OCA2: variants seen among roughly 807,000 people sequenced by gnomAD.
OCA2 encodes P protein.
A neutral mutation model predicts 100.2 loss-of-function variants in OCA2; 77 were observed. That is an observed-to-expected ratio of 0.77 (90% CI 0.64 to 0.93). OCA2 has a LOEUF of 0.93. Among genes scored for constraint, OCA2 ranks in the 40% least tolerant of loss-of-function variants. OCA2 has a pLI of 0.00. For missense variants in OCA2, 1,062 were observed against 1,089.1 expected (o/e 0.98, Z 0.35); for synonymous variants, 432 against 439.2 (o/e 0.98, Z 0.21).
chr15:27,885,589 T>C (rs2037189975), intron 19 of OCA2, among the ~76,000 whole-genome samples: 1 of 152,258 alleles, frequency 6.6e-6, no homozygotes, highest in African/African-American at 2.4e-5. Context: ...GGTGAATCCA[T>C]GTGAGAACCA....
chr15:28,027,983 C>A lies in OCA2; in HGVS notation c.403G>T (p.Glu135Ter), dbSNP rs959570803. ...ESWEDSSADW[E>*]RRYLLSREVS... The stretch of plus-strand genomic sequence containing the variant: ...TCCCTGCTTAGCAGGTATCTTCGCT[C>A]CCAGTCAGCAGAGCTGTCTTCCCAA... The change falls in exon 4 of 24, where the codon GAG becomes TAG. Residue 135 changes from glutamate to a stop codon, truncating the protein, a stop_gained. Coordinates refer to ENST00000354638, the MANE Select transcript of OCA2 (RefSeq NM_000275.3). LOFTEE classifies it high-confidence loss of function. 1 of 1,614,198 alleles carries A rather than the reference C, an allele frequency of 6.2e-7. No homozygotes were observed. Among genetic ancestry groups the A allele is most frequent in the Non-Finnish European group, 8.5e-7 (1 of 1,180,036 alleles).
At chr15:27,983,815 G>C (rs2041252439) in intron 13 of OCA2, among the ~76,000 whole-genome samples, 2 of 152,018 alleles carry the variant, frequency 1.3e-5, no homozygotes, top group African/African-American at 4.8e-5. Flanking sequence ...CCAGTGCTGT[G>C]GGGGTCAGTG....
chr15:28,097,238 C>T (rs1397890337), intron 1 of OCA2, among the ~76,000 whole-genome samples: 1 of 152,212 alleles, frequency 6.6e-6, no homozygotes, highest in Non-Finnish European at 1.5e-5. Flanking sequence ...CCGCGCTCCG[C>T]CGAAACTGCG....
At chr15:28,037,631 C>A (rs1427354391) in intron 2 of OCA2, among the ~76,000 whole-genome samples, 1 of 152,220 alleles carries the variant, frequency 6.6e-6, no homozygotes, top group African/African-American at 2.4e-5. Context: ...GTCATTTAAG[C>A]AAGTACTTTC....
At chr15:27,742,367 GGTCA>G in the OCA2 span, among the ~76,000 whole-genome samples, 2 of 152,138 alleles carry the variant, frequency 1.3e-5, no homozygotes, top group Non-Finnish European at 2.9e-5. Context: ...CTTGGGGAAA[GGTCA>G]GTCTTCAAGA....
At chr15:27,864,850 G>C (rs1327217357) in intron 21 of OCA2, among the ~76,000 whole-genome samples, 4 of 152,120 alleles carry the variant, frequency 2.6e-5, no homozygotes, top group African/African-American at 7.2e-5. Context: ...TCATTATGCT[G>C]TTTCTCAGCG....
chr15:27,838,471 G>C (rs1010470781), intron 23 of OCA2, among the ~76,000 whole-genome samples: 1 of 152,158 alleles, frequency 6.6e-6, no homozygotes, highest in Non-Finnish European at 1.5e-5. Context: ...AAAGAGATCC[G>C]TGAAATCGTA....
At chr15:27,762,551 C>G (rs1311462556) in intron 23 of OCA2, among the ~76,000 whole-genome samples, 3 of 152,210 alleles carry the variant, frequency 2.0e-5, no homozygotes, top group African/African-American at 7.2e-5. Flanking sequence ...AGGGGCTTAT[C>G]TGCCATTTTC....
intron 19 of OCA2, among the ~76,000 whole-genome samples, chr15:27,876,485 C>T (rs577754560): frequency 1.3e-5 from 2 of 152,022 alleles, no homozygotes; most frequent in East Asian, 3.9e-4. Context: ...CCTCCACCTC[C>T]ATTATTTTCT....
chr15:27,766,926 C>T (rs1268131972), intron 23 of OCA2, among the ~76,000 whole-genome samples: 1 of 152,190 alleles, frequency 6.6e-6, no homozygotes, highest in Non-Finnish European at 1.5e-5. Flanking sequence ...CCTGTCCTGC[C>T]CACTGCTCCT....
In OCA2 at chr15:27,989,589, A is replaced by T; in HGVS notation, c.1182+12T>A. The T allele has an allele frequency of 5.6e-6, 9 of 1,612,604 alleles. No individual in the cohort carries two copies. Among genetic ancestry groups the T allele is most frequent in the Non-Finnish European group, 7.6e-6 (9 of 1,178,700 alleles). On this transcript the variant is annotated intron_variant, in intron 11 of 23. Coordinates refer to ENST00000354638, the MANE Select transcript of OCA2 (RefSeq NM_000275.3). ...GCGTGGAGCCCAGTCCCACGGGGAG[A>T]GCTGTAATTACCATGCCAAACAGCA... is the stretch of plus-strand genomic sequence containing the variant.
intron 19 of OCA2, among the ~76,000 whole-genome samples, chr15:27,920,457 A>G (rs1223300870): frequency 6.6e-6 from 1 of 152,166 alleles, no homozygotes; most frequent in African/African-American, 2.4e-5. Flanking sequence ...TACAGTTGCT[A>G]AAATACATTA....
chr15:27,950,668 T>C (rs750326812), intron 18 of OCA2: 2 of 343,592 alleles, frequency 5.8e-6, no homozygotes, highest in East Asian at 8.4e-5. Context: ...TCATGTGTTG[T>C]GTGAGAATCT....
At chr15:27,924,666 A>G (rs1427639511) in intron 19 of OCA2, among the ~76,000 whole-genome samples, 3 of 152,210 alleles carry the variant, frequency 2.0e-5, no homozygotes, top group Admixed American at 1.3e-4. Context: ...AAATAACTCA[A>G]AAACACAGTT....
rs182498200 is a variant in OCA2 at position 27,844,150 on chromosome 15, G to A, written c.2432+809C>T. Among the ~76,000 whole-genome samples, 597 of 152,252 alleles carry A rather than the reference G, an allele frequency of 3.9e-3. 2 individuals carry two copies. Among genetic ancestry groups the A allele is most frequent in the Admixed American group, 7.1e-3 (108 of 15,298 alleles). On this transcript the variant is annotated intron_variant, in intron 23 of 23. Coordinates refer to ENST00000354638, the MANE Select transcript of OCA2 (RefSeq NM_000275.3). ...GTGTCAGCAGTCAGGGCCCCAGCGC[G>A]GACTCAGCTCCTCCTAGAGGAGGCT...
chr15:27,894,258 T>G (rs2037591645), intron 19 of OCA2, among the ~76,000 whole-genome samples: 1 of 152,212 alleles, frequency 6.6e-6, no homozygotes, highest in Non-Finnish European at 1.5e-5. Context: ...GGGATTTATC[T>G]CTACTGTTCC....
intron 19 of OCA2, among the ~76,000 whole-genome samples, chr15:27,872,916 G>C (rs7164898): frequency 0.016 from 2,392 of 152,122 alleles, 56 homozygotes; most frequent in African/African-American, 0.05. Context: ...TCTCGAACTC[G>C]TGACCTCAGG....
intron 19 of OCA2, among the ~76,000 whole-genome samples, chr15:27,897,703 A>G (rs2037763358): frequency 6.6e-6 from 1 of 152,202 alleles, no homozygotes; most frequent in Non-Finnish European, 1.5e-5. Flanking sequence ...AGGAGTCCCT[A>G]CTGGGGCACC....
intron 1 of OCA2, among the ~76,000 whole-genome samples, chr15:28,094,549 G>C (rs1390228160): frequency 1.3e-5 from 2 of 152,146 alleles, no homozygotes; most frequent in Non-Finnish European, 1.5e-5. Flanking sequence ...AAAATAGATA[G>C]TTGTGGCTTA....
Sources: gnomAD v4.1 joint callset for allele counts (sites outside exome capture counted in the v4.1 genomes callset) on GRCh38, gnomAD v4.1.1 for gene constraint, MANE v1.5 for transcripts, NCBI Gene and HGNC (gene_info 2026-07-23, HGNC 2026-07-21) for gene names.